SBF2: variants seen among roughly 807,000 people sequenced by gnomAD.
The protein encoded by SBF2 is SET binding factor 2.
Under a neutral mutation model 225.2 loss-of-function variants are expected in SBF2, and 112 were observed. The observed-to-expected ratio is 0.50, with a 90% CI of 0.43 to 0.58. The LOEUF is 0.58. Among genes scored for constraint, SBF2 ranks in the 20% least tolerant of loss-of-function variants. The pLI, the probability that SBF2 is intolerant of heterozygous loss-of-function variation, is 0.00. For synonymous variants in SBF2, 763 were observed against 773.3 expected, an observed-to-expected ratio of 0.99 and a Z score of 0.22; for missense variants, 1,996 against 2,206.2, an observed-to-expected ratio of 0.90 and a Z score of 1.91.
chr11:10,148,134 T>G (rs930893929), intron 2 of SBF2, among the ~76,000 whole-genome samples: 2 of 152,128 alleles, frequency 1.3e-5, no homozygotes, highest in Non-Finnish European at 2.9e-5. Flanking sequence ...AATACGAAGT[T>G]TACTGCTATA....
intron 22 of SBF2, among the ~76,000 whole-genome samples, chr11:9,848,977 A>T (rs1332819886): frequency 6.6e-6 from 1 of 152,242 alleles, no homozygotes; most frequent in African/African-American, 2.4e-5. Context: ...TGTCCAACCA[A>T]TGAGTAGCAC....
chr11:9,965,480 G>A (rs957245004), intron 14 of SBF2, among the ~76,000 whole-genome samples: 6 of 152,066 alleles, frequency 3.9e-5, no homozygotes, highest in South Asian at 4.2e-4. Flanking sequence ...TAGAGACAGC[G>A]GTTCTCTATG....
At chr11:9,982,448 T>C (rs370992133) in intron 13 of SBF2, among the ~76,000 whole-genome samples, 33 of 152,364 alleles carry the variant, frequency 2.2e-4, no homozygotes, top group African/African-American at 7.5e-4. Context: ...CAGTACCAAC[T>C]GTAATATCTC....
intron 1 of SBF2, among the ~76,000 whole-genome samples, chr11:10,195,991 G>C (rs536445357): frequency 6.6e-6 from 1 of 152,246 alleles, no homozygotes; most frequent in East Asian, 1.9e-4. Context: ...AAATGAAAAA[G>C]ACATAGTCCC....
upstream of SBF2, among the ~76,000 whole-genome samples, chr11:10,296,649 G>T (rs750221824): frequency 9.9e-5 from 15 of 152,000 alleles, no homozygotes; most frequent in Non-Finnish European, 1.8e-4. Flanking sequence ...TGGACATATG[G>T]GTTGTTTCCA....
intron 1 of SBF2, among the ~76,000 whole-genome samples, chr11:10,196,765 C>T (rs1053556224): frequency 2.0e-5 from 3 of 149,562 alleles, no homozygotes; most frequent in Admixed American, 2.0e-4. Flanking sequence ...AGAAAGCACC[C>T]ATAATCCCAC....
At chr11:9,972,626 G>C (rs527848779) in intron 13 of SBF2, among the ~76,000 whole-genome samples, 1 of 152,084 alleles carries the variant, frequency 6.6e-6, no homozygotes, top group Non-Finnish European at 1.5e-5. Context: ...GATTACAGGT[G>C]TGCACCACCA....
At chr11:10,018,592 T>C (rs1356855657) in intron 6 of SBF2, among the ~76,000 whole-genome samples, 1 of 152,162 alleles carries the variant, frequency 6.6e-6, no homozygotes, top group Non-Finnish European at 1.5e-5. Context: ...GATAGAGCTA[T>C]TTAATATTAG....
intron 16 of SBF2, among the ~76,000 whole-genome samples, chr11:9,913,970 G>A (rs1421579907): frequency 6.6e-6 from 1 of 152,290 alleles, no homozygotes; most frequent in East Asian, 1.9e-4. Flanking sequence ...CCAAAGTGCT[G>A]CGATTACAGG....
At chr11:10,195,864 A>C (rs975775486) in intron 1 of SBF2, among the ~76,000 whole-genome samples, 9 of 152,210 alleles carry the variant, frequency 5.9e-5, no homozygotes, top group Non-Finnish European at 1.0e-4. Context: ...GATTTTGTTA[A>C]GAGTAAACCA....
chr11:9,992,775 C>T (rs1947494569), intron 11 of SBF2, among the ~76,000 whole-genome samples: 1 of 151,780 alleles, frequency 6.6e-6, no homozygotes, highest in Non-Finnish European at 1.5e-5. Context: ...AATTAACATT[C>T]AATTTTAAAA....
At chr11:10,223,468 CAGAAA>C (rs1247542629) in intron 1 of SBF2, among the ~76,000 whole-genome samples, 7 of 127,430 alleles carry the variant, frequency 5.5e-5, no homozygotes, top group Non-Finnish European at 8.1e-5. Flanking sequence ...AAGTAAGCTA[CAGAAA>C]AGAAAACGTT....
chr11:9,970,221 T>C (rs1033178736), intron 13 of SBF2, among the ~76,000 whole-genome samples: 1 of 152,010 alleles, frequency 6.6e-6, no homozygotes, highest in Non-Finnish European at 1.5e-5. Context: ...TTTTTTTTTT[T>C]TTTTAGACGC....
intron 2 of SBF2, among the ~76,000 whole-genome samples, chr11:10,058,619 A>C (rs1228074172): frequency 6.6e-6 from 1 of 152,224 alleles, no homozygotes; most frequent in Non-Finnish European, 1.5e-5. Context: ...AAACTTCCCC[A>C]ACCTTGTTAG....
At chr11:10,128,632 ACT>A (rs1591020363) in intron 2 of SBF2, among the ~76,000 whole-genome samples, 1 of 152,174 alleles carries the variant, frequency 6.6e-6, no homozygotes, top group Admixed American at 6.5e-5. Flanking sequence ...AACTCTGATG[ACT>A]CTGGCAATAG....
chr11:9,918,525 T>C (rs1483273886), intron 16 of SBF2, among the ~76,000 whole-genome samples: 2 of 151,942 alleles, frequency 1.3e-5, no homozygotes, highest in African/African-American at 4.8e-5. Flanking sequence ...GGCTAATTTT[T>C]GTATTTTTGT....
intron 6 of SBF2, 98 bp downstream of exon 6, chr11:10,028,354 A>G (rs1345873096): frequency 1.2e-6 from 1 of 817,814 alleles, no homozygotes; most frequent in African/African-American, 1.7e-5. Context: ...GGTTTAAAAA[A>G]CATTTTCTTG....
At chr11:10,085,478 A>G (rs1219674681) in intron 2 of SBF2, among the ~76,000 whole-genome samples, 1 of 151,670 alleles carries the variant, frequency 6.6e-6, no homozygotes, top group East Asian at 1.9e-4. Flanking sequence ...CTGTATTTTT[A>G]TTTTCAAGTT....
At chr11:9,976,649 T>C (rs551053485) in intron 13 of SBF2, among the ~76,000 whole-genome samples, 35 of 152,220 alleles carry the variant, frequency 2.3e-4, no homozygotes, top group African/African-American at 7.5e-4. Flanking sequence ...AATTGTCAAA[T>C]TACATATCTA....
Sources: allele counts gnomAD v4.1 joint callset (sites outside exome capture counted in the v4.1 genomes callset), GRCh38; gene constraint gnomAD v4.1.1; transcripts MANE v1.5; gene names NCBI Gene and HGNC (gene_info 2026-07-23, HGNC 2026-07-21).